STK39: variants seen among roughly 807,000 people sequenced by gnomAD.
STK39 encodes serine/threonine kinase 39.
In STK39, 20 loss-of-function variants were observed where a neutral mutation model predicts 77.8. The ratio of observed to expected loss-of-function variants is 0.26; its 90% CI spans 0.18 to 0.37. STK39 has a LOEUF of 0.37. Among genes scored for constraint, STK39 ranks in the 10% least tolerant of loss-of-function variants. STK39 has a pLI of 1.00. For missense variants in STK39, 479 were observed against 656.5 expected (o/e 0.73, Z 2.95); for synonymous variants, 246 against 234.1 (o/e 1.05, Z -0.47).
At chr2:168,246,676 G>A (rs1316252167) in intron 1 of STK39, among the ~76,000 whole-genome samples, 1 of 152,164 alleles carries the variant, frequency 6.6e-6, no homozygotes, top group East Asian at 1.9e-4. Flanking sequence ...CATCCTCCCC[G>A]GCCTCAGAAA....
intron 17 of STK39, among the ~76,000 whole-genome samples, chr2:167,963,601 C>G (rs1325461969): frequency 6.6e-6 from 1 of 151,236 alleles, no homozygotes; most frequent in African/African-American, 2.4e-5. Context: ...ATTTGTTAAC[C>G]TAGCACTCTA....
At chr2:167,983,316 C>T (rs1249825256) in intron 16 of STK39, among the ~76,000 whole-genome samples, 1 of 151,854 alleles carries the variant, frequency 6.6e-6, no homozygotes, top group African/African-American at 2.4e-5. Flanking sequence ...CCTGTCTCTA[C>T]TAAAAATACA....
intron 5 of STK39, among the ~76,000 whole-genome samples, chr2:168,142,441 G>C (rs1488675704): frequency 6.6e-6 from 1 of 151,908 alleles, no homozygotes; most frequent in African/African-American, 2.4e-5. Context: ...TAAGGATACA[G>C]GTAAAAGCTG....
At chr2:168,048,481 G>C (rs967544041) in intron 14 of STK39, among the ~76,000 whole-genome samples, 2 of 149,186 alleles carry the variant, frequency 1.3e-5, no homozygotes, top group Non-Finnish European at 3.0e-5. Flanking sequence ...CAAAGTGCTG[G>C]GATTACAGGT....
intron 12 of STK39, among the ~76,000 whole-genome samples, chr2:168,068,454 A>AGG (rs2105392995): frequency 6.6e-6 from 1 of 152,306 alleles, no homozygotes; most frequent in East Asian, 1.9e-4. Context: ...GGACACTAGT[A>AGG]GGCAAACTAG....
At chr2:168,126,254 T>C (rs1443413850) in intron 10 of STK39, among the ~76,000 whole-genome samples, 1 of 151,790 alleles carries the variant, frequency 6.6e-6, no homozygotes, top group Non-Finnish European at 1.5e-5. Context: ...TGAGGAGCAA[T>C]CTATACCACA....
chr2:168,129,781 G>A, intron 8 of STK39, 23 bp from the exon 9 acceptor site: 2 of 1,612,420 alleles, frequency 1.2e-6, no homozygotes, highest in Non-Finnish European at 1.7e-6. Context: ...TAATAAATTA[G>A]AGTTGAAACA....
intron 16 of STK39, among the ~76,000 whole-genome samples, chr2:167,999,654 G>A (rs2105295325): frequency 6.6e-6 from 1 of 152,046 alleles, no homozygotes; most frequent in Admixed American, 6.5e-5. Context: ...AGCAGAGATG[G>A]GGTTTCACCA....
chr2:168,232,306 T>A (rs572619122), intron 1 of STK39: 12 of 154,652 alleles, frequency 7.8e-5, no homozygotes, highest in Non-Finnish European at 1.6e-4. Context: ...GAACACTTTC[T>A]GTACATAAAA....
chr2:167,988,953 T>A (rs913608535), intron 16 of STK39, among the ~76,000 whole-genome samples: 4 of 151,952 alleles, frequency 2.6e-5, no homozygotes, highest in Admixed American at 2.0e-4. Context: ...CCAAGAGAGG[T>A]GTTGAAGGCA....
chr2:168,155,735 T>G (rs1688410573), intron 5 of STK39, among the ~76,000 whole-genome samples: 1 of 152,216 alleles, frequency 6.6e-6, no homozygotes, highest in African/African-American at 2.4e-5. Context: ...TTAAAAACTA[T>G]TTTCAGCCTT....
At chr2:168,140,598 C>T in intron 6 of STK39, 51 bp downstream of exon 6, 1 of 1,409,014 alleles carries the variant, frequency 7.1e-7, no homozygotes, top group South Asian at 1.2e-5. Flanking sequence ...TATTAATGAT[C>T]TGTACGATTG....
At chr2:168,232,116 C>A (rs891180006) in intron 1 of STK39, 2 of 249,882 alleles carry the variant, frequency 8.0e-6, no homozygotes, top group Admixed American at 8.1e-5. Context: ...CTCATCACAT[C>A]ACCAGAGTGC....
chr2:168,077,164 T>C (rs754076138), intron 10 of STK39, among the ~76,000 whole-genome samples: 10 of 152,180 alleles, frequency 6.6e-5, no homozygotes, highest in Non-Finnish European at 1.2e-4. Context: ...CAAAACTCTG[T>C]CTTTACTAAA....
At chr2:167,964,390 A>C in intron 17 of STK39, 1 of 348,266 alleles carries the variant, frequency 2.9e-6, no homozygotes, top group South Asian at 4.4e-5. Flanking sequence ...CTGCAAGCAA[A>C]ATGATCTAGG....
At chr2:167,985,959 G>T (rs1268299635) in intron 16 of STK39, among the ~76,000 whole-genome samples, 1 of 152,132 alleles carries the variant, frequency 6.6e-6, no homozygotes, top group Non-Finnish European at 1.5e-5. Context: ...TGGGAAGAAA[G>T]GAAATTCCGA....
At chr2:167,993,021 TG>T (rs1228402597) in intron 16 of STK39, among the ~76,000 whole-genome samples, 1 of 152,160 alleles carries the variant, frequency 6.6e-6, no homozygotes, top group Non-Finnish European at 1.5e-5. Context: ...CTTTTGAAAA[TG>T]GGCTGCAAAT....
intron 16 of STK39, among the ~76,000 whole-genome samples, chr2:167,991,250 A>G (rs1343155055): frequency 6.6e-6 from 1 of 152,176 alleles, no homozygotes; most frequent in East Asian, 1.9e-4. Flanking sequence ...TAAACATCTA[A>G]ATCAGACTGG....
chr2:168,118,815 A>AT lies in STK39; in HGVS notation c.1089+10725dup, dbSNP rs140199697. Among the ~76,000 whole-genome samples, 555 of 152,232 alleles carry AT rather than the reference A, an allele frequency of 3.6e-3. 6 individuals carry two copies. The highest frequency in any genetic ancestry group is 0.013 in the African/African-American group (534 of 41,530). On this transcript the variant is annotated intron_variant, in intron 10 of 17. Transcript: ENST00000355999. The stretch of plus-strand genomic sequence containing the variant: ...AGACTGGTAAGCAATTCCTGTCCAG[A>AT]TTCTTAGTCAATGAACTGTTCTAAT...
Sources: gnomAD v4.1 joint callset for allele counts (sites outside exome capture counted in the v4.1 genomes callset) on GRCh38, gnomAD v4.1.1 for gene constraint, MANE v1.5 for transcripts, NCBI Gene and HGNC (gene_info 2026-07-23, HGNC 2026-07-21) for gene names.